Variants in AKR1C8 observed in about 807,000 individuals in gnomAD.
AKR1C8 encodes the protein aldo-keto reductase family 1 member C-like protein 1.
At chr10:5,120,736 C>G in the AKR1C8 span, among the ~76,000 whole-genome samples, 1 of 152,056 alleles carries the variant, frequency 6.6e-6, no homozygotes, top group African/African-American at 2.4e-5. Flanking sequence ...TATGGTTTCA[C>G]AAAAAGAAGA....
chr10:5,143,262 A>G, the AKR1C8 span, among the ~76,000 whole-genome samples: 1 of 152,148 alleles, frequency 6.6e-6, no homozygotes, highest in African/African-American at 2.4e-5. Context: ...TGGGTCACCC[A>G]TCTTCTACCC....
the AKR1C8 span, among the ~76,000 whole-genome samples, chr10:5,115,991 C>T: frequency 2.6e-5 from 4 of 152,108 alleles, no homozygotes; most frequent in South Asian, 2.1e-4. Context: ...TATACAAGCA[C>T]CTCAGCAGGT....
At chr10:5,124,475 C>CT in the AKR1C8 span, among the ~76,000 whole-genome samples, 11 of 151,990 alleles carry the variant, frequency 7.2e-5, no homozygotes, top group East Asian at 2.1e-3. Context: ...GTGAGGGATT[C>CT]TTTTTTTCAT....
chr10:5,129,334 C>G, the AKR1C8 span, among the ~76,000 whole-genome samples: 2 of 152,090 alleles, frequency 1.3e-5, no homozygotes, highest in East Asian at 1.9e-4. Context: ...TGAAACAGCA[C>G]AAATTGACAA....
At chr10:5,140,668 G>A in the AKR1C8 span, among the ~76,000 whole-genome samples, 1 of 151,714 alleles carries the variant, frequency 6.6e-6, no homozygotes, top group South Asian at 2.1e-4. Flanking sequence ...GTTGGGGGAG[G>A]GATAGCATTA....
At chr10:5,138,075 C>T in the AKR1C8 span, among the ~76,000 whole-genome samples, 130,953 of 150,256 alleles carry the variant, frequency 0.87, 57,376 homozygotes, top group African/African-American at 0.96. Flanking sequence ...CTATGTTCAG[C>T]GGTGCACGTA....
At chr10:5,144,981 C>T in the AKR1C8 span, among the ~76,000 whole-genome samples, 3 of 151,668 alleles carry the variant, frequency 2.0e-5, no homozygotes, top group South Asian at 2.1e-4. Context: ...AGTTTTTGCC[C>T]ATTCAGTATG....
chr10:5,125,965 C>T, the AKR1C8 span, among the ~76,000 whole-genome samples: 6 of 152,156 alleles, frequency 3.9e-5, no homozygotes, highest in East Asian at 1.9e-4. Context: ...ATGGAAGGAG[C>T]GTCACATCAA....
At chr10:5,156,938 A>G in the AKR1C8 span, among the ~76,000 whole-genome samples, 1 of 152,228 alleles carries the variant, frequency 6.6e-6, no homozygotes, top group Non-Finnish European at 1.5e-5. Context: ...TCAAAACAAA[A>G]TAAGTTGGAG....
At chr10:5,146,269 C>A in the AKR1C8 span, among the ~76,000 whole-genome samples, 2 of 151,638 alleles carry the variant, frequency 1.3e-5, no homozygotes, top group Admixed American at 1.3e-4. Flanking sequence ...TTAGTGGGTG[C>A]AGCACCAGCA....
At chr10:5,166,552 T>G in the AKR1C8 span, among the ~76,000 whole-genome samples, 45 of 152,306 alleles carry the variant, frequency 3.0e-4, no homozygotes, top group East Asian at 8.5e-3. Flanking sequence ...ATTCCCTATT[T>G]AATAAATGAT....
At chr10:5,141,651 T>C in the AKR1C8 span, among the ~76,000 whole-genome samples, 1 of 152,192 alleles carries the variant, frequency 6.6e-6, no homozygotes, top group African/African-American at 2.4e-5. Flanking sequence ...AAGTAATCTT[T>C]TGGTACCTCT....
the AKR1C8 span, chr10:5,162,898 G>T: frequency 1.3e-5 from 7 of 534,604 alleles, no homozygotes; most frequent in Non-Finnish European, 2.7e-5. Context: ...TACCATCAGC[G>T]ATCTTCTCCC....
At chr10:5,146,293 C>T in the AKR1C8 span, among the ~76,000 whole-genome samples, 3 of 151,514 alleles carry the variant, frequency 2.0e-5, no homozygotes, top group East Asian at 3.9e-4. Flanking sequence ...CACATGTATA[C>T]GTATGTAACT....
chr10:5,162,119 G>A, the AKR1C8 span: 2 of 369,046 alleles, frequency 5.4e-6, no homozygotes, highest in African/African-American at 2.1e-5. Context: ...ATGTTACTCA[G>A]TATAAATCAA....
the AKR1C8 span, among the ~76,000 whole-genome samples, chr10:5,124,655 TTAAA>T: frequency 6.6e-6 from 1 of 152,122 alleles, no homozygotes; most frequent in Middle Eastern, 3.4e-3. Flanking sequence ...ATACAAAAAA[TTAAA>T]ACATCATTGC....
At chr10:5,140,653 G>C in the AKR1C8 span, among the ~76,000 whole-genome samples, 41 of 151,898 alleles carry the variant, frequency 2.7e-4, no homozygotes, top group Non-Finnish European at 5.3e-4. Context: ...GTTGTGGGGT[G>C]GGGGGTTGGG....
At chr10:5,125,442 G>C in the AKR1C8 span, among the ~76,000 whole-genome samples, 1 of 152,106 alleles carries the variant, frequency 6.6e-6, no homozygotes, top group Non-Finnish European at 1.5e-5. Context: ...GACCCTGCCT[G>C]TCACCTGAGA....
At chr10:5,167,000 A>C in the AKR1C8 span, among the ~76,000 whole-genome samples, 20 of 152,356 alleles carry the variant, frequency 1.3e-4, 1 homozygote, top group Non-Finnish European at 2.9e-4. Flanking sequence ...TCTCAAAAGA[A>C]GACATTTATG....
Sources: gnomAD v4.1 joint callset for allele counts (sites outside exome capture counted in the v4.1 genomes callset) on GRCh38, gnomAD v4.1.1 for gene constraint, MANE v1.5 for transcripts, NCBI Gene and HGNC (gene_info 2026-07-23, HGNC 2026-07-21) for gene names.